Variants in TENM2 observed in about 807,000 individuals in gnomAD.
The protein encoded by TENM2 is teneurin transmembrane protein 2.
A neutral mutation model predicts 245.2 loss-of-function variants in TENM2; 52 were observed. That is an observed-to-expected ratio of 0.21 (90% CI 0.17 to 0.27). The LOEUF is 0.27. TENM2 is among the 10% of genes least tolerant of loss of function. The pLI is 1.00. For synonymous variants in TENM2, 1,363 were observed against 1,438.9 expected (o/e 0.95, Z 1.19); for missense variants, 3,046 against 3,666.8 (o/e 0.83, Z 4.37).
chr5:167,445,324 T>TAGAG (rs1561961540), intron 2 of TENM2, among the ~76,000 whole-genome samples: 1 of 35,298 alleles, frequency 2.8e-5, no homozygotes, highest in Admixed American at 3.8e-4. Context: ...TATATATATA[T>TAGAG]ATATATATAT....
chr5:167,551,388 C>G (rs1772927504), intron 2 of TENM2, among the ~76,000 whole-genome samples: 1 of 152,142 alleles, frequency 6.6e-6, no homozygotes, highest in Admixed American at 6.5e-5. Flanking sequence ...AAACATAAGG[C>G]TATAGATTCT....
chr5:167,017,451 T>G, the TENM2 span, among the ~76,000 whole-genome samples: 1 of 152,340 alleles, frequency 6.6e-6, no homozygotes, highest in Admixed American at 6.5e-5. Flanking sequence ...ACTGCTCAAC[T>G]CTGCCATCAC....
chr5:167,262,598 G>A, the TENM2 span, among the ~76,000 whole-genome samples: 3 of 152,028 alleles, frequency 2.0e-5, no homozygotes, highest in Non-Finnish European at 2.9e-5. Flanking sequence ...ATGAAGGGTA[G>A]AGGTGCTGGA....
exon 29 of TENM2, chr5:168,262,753 T>G (rs1308278411): frequency 1.2e-6 from 2 of 1,610,896 alleles, no homozygotes; most frequent in Admixed American, 3.4e-5. Context: ...ACCCAGAGCT[T>G]GCAGACAGTA....
At chr5:167,536,854 C>T (rs1771883513) in intron 2 of TENM2, among the ~76,000 whole-genome samples, 1 of 151,580 alleles carries the variant, frequency 6.6e-6, no homozygotes, top group South Asian at 2.1e-4. Flanking sequence ...CCTGTCTCTA[C>T]TAAAAATATA....
At chr5:168,164,016 G>C (rs1757988198) in intron 13 of TENM2, among the ~76,000 whole-genome samples, 1 of 152,292 alleles carries the variant, frequency 6.6e-6, no homozygotes, top group Non-Finnish European at 1.5e-5. Context: ...GGTATGAGGA[G>C]CATGAGAATT....
At chr5:168,225,053 C>T (rs1366183302) in intron 23 of TENM2, among the ~76,000 whole-genome samples, 2 of 152,222 alleles carry the variant, frequency 1.3e-5, no homozygotes, top group Non-Finnish European at 2.9e-5. Flanking sequence ...AGGCCATTTG[C>T]AGGCAGTAGG....
At chr5:167,654,921 C>T (rs1271229126) in intron 2 of TENM2, among the ~76,000 whole-genome samples, 1 of 152,072 alleles carries the variant, frequency 6.6e-6, no homozygotes, top group Non-Finnish European at 1.5e-5. Context: ...GGTAAAGTTG[C>T]TTCCAAGCTG....
chr5:167,666,780 T>G (rs1755606251), intron 2 of TENM2, among the ~76,000 whole-genome samples: 2 of 152,210 alleles, frequency 1.3e-5, no homozygotes, highest in Admixed American at 1.3e-4. Context: ...TCAGTCCAAA[T>G]GCTATTTGCA....
At chr5:167,231,655 T>A in the TENM2 span, among the ~76,000 whole-genome samples, 1 of 152,218 alleles carries the variant, frequency 6.6e-6, no homozygotes, top group Non-Finnish European at 1.5e-5. Context: ...GAATTTATAC[T>A]TAAAAGGGGA....
At chr5:167,454,685 C>T (rs976722173) in intron 2 of TENM2, among the ~76,000 whole-genome samples, 1 of 152,148 alleles carries the variant, frequency 6.6e-6, no homozygotes, top group African/African-American at 2.4e-5. Flanking sequence ...CTATTTTCCT[C>T]TATATTACCT....
chr5:167,249,431 T>C, the TENM2 span, among the ~76,000 whole-genome samples: 1 of 152,146 alleles, frequency 6.6e-6, no homozygotes, highest in Admixed American at 6.6e-5. Flanking sequence ...TTTCCCGTTC[T>C]TCTTTCCTTC....
At chr5:167,201,898 G>A in the TENM2 span, among the ~76,000 whole-genome samples, 2 of 152,086 alleles carry the variant, frequency 1.3e-5, no homozygotes, top group Non-Finnish European at 2.9e-5. Context: ...TGGGCTGTTT[G>A]TGACTGCCTG....
At chr5:167,670,680 T>A (rs1445923171) in intron 2 of TENM2, among the ~76,000 whole-genome samples, 1 of 152,178 alleles carries the variant, frequency 6.6e-6, no homozygotes, top group Non-Finnish European at 1.5e-5. Context: ...GAGCCTGACT[T>A]CCACTTCCTG....
At chr5:167,363,001 A>T (rs971102077) in intron 1 of TENM2, among the ~76,000 whole-genome samples, 8 of 152,192 alleles carry the variant, frequency 5.3e-5, no homozygotes, top group Admixed American at 3.9e-4. Flanking sequence ...TTATTCTTCC[A>T]TTTTACAGGT....
At chr5:167,353,131 C>T (rs1026211712) in intron 1 of TENM2, among the ~76,000 whole-genome samples, 31 of 152,160 alleles carry the variant, frequency 2.0e-4, no homozygotes, top group Non-Finnish European at 4.1e-4. Context: ...CATACTCATG[C>T]CTCTAATCTG....
At chr5:168,156,813 T>C (rs1308145497) in intron 12 of TENM2, among the ~76,000 whole-genome samples, 1 of 152,172 alleles carries the variant, frequency 6.6e-6, no homozygotes, top group Non-Finnish European at 1.5e-5. Context: ...AGTTATTCGT[T>C]CATCATTTCC....
chr5:167,587,493 C>T (rs1023261574), intron 2 of TENM2, among the ~76,000 whole-genome samples: 3 of 152,070 alleles, frequency 2.0e-5, no homozygotes, highest in South Asian at 2.1e-4. Flanking sequence ...ACCAGTGGGT[C>T]GGATCAATGC....
intron 13 of TENM2, among the ~76,000 whole-genome samples, chr5:168,176,040 T>C (rs1219257431): frequency 1.3e-5 from 2 of 152,236 alleles, no homozygotes; most frequent in East Asian, 1.9e-4. Context: ...GGATGCCCCC[T>C]TACCTGGCCT....
Sources: gnomAD v4.1 joint callset for allele counts (sites outside exome capture counted in the v4.1 genomes callset) on GRCh38, gnomAD v4.1.1 for gene constraint, MANE v1.5 for transcripts, NCBI Gene and HGNC (gene_info 2026-07-23, HGNC 2026-07-21) for gene names.